Variants in CAAP1 observed in about 807,000 individuals in gnomAD.
The protein encoded by CAAP1 is caspase activity and apoptosis inhibitor 1.
Under a neutral mutation model 34.0 loss-of-function variants are expected in CAAP1, and 20 were observed. That is an observed-to-expected ratio of 0.59 (90% CI 0.41 to 0.86). The LOEUF (loss-of-function observed/expected upper bound fraction) is 0.86, where lower values mean the gene tolerates loss of function less well. Among genes scored for constraint, CAAP1 ranks in the 40% least tolerant of loss-of-function variants. The pLI is 0.00. For missense variants in CAAP1, 538 were observed against 450.5 expected, an observed-to-expected ratio of 1.19 and a Z score of -1.76; for synonymous variants, 213 against 166.7, an observed-to-expected ratio of 1.28 and a Z score of -2.14.
intron 4 of CAAP1, among the ~76,000 whole-genome samples, chr9:26,881,038 A>G (rs888149498): frequency 3.3e-5 from 5 of 152,198 alleles, no homozygotes; most frequent in Admixed American, 3.3e-4. Context: ...AACATTAACT[A>G]AAAATCAAAA....
intron 4 of CAAP1, among the ~76,000 whole-genome samples, chr9:26,867,663 G>A (rs1054754461): frequency 6.6e-6 from 1 of 152,094 alleles, no homozygotes; most frequent in Non-Finnish European, 1.5e-5. Flanking sequence ...ACATAATATA[G>A]TTGTTGCACA....
At chr9:26,869,979 T>C in intron 4 of CAAP1, 1 of 981,896 alleles carries the variant, frequency 1.0e-6, no homozygotes, top group Non-Finnish European at 1.2e-6. Flanking sequence ...GTAAATTGAC[T>C]GATGGAAAAA....
chr9:26,879,867 G>A (rs1399125015), intron 4 of CAAP1, among the ~76,000 whole-genome samples: 1 of 152,178 alleles, frequency 6.6e-6, no homozygotes, highest in Non-Finnish European at 1.5e-5. Context: ...GAGGTTTTGG[G>A]ACTTGGACTG....
At chr9:26,868,035 A>C (rs1309645595) in intron 4 of CAAP1, among the ~76,000 whole-genome samples, 2 of 152,172 alleles carry the variant, frequency 1.3e-5, no homozygotes, top group African/African-American at 2.4e-5. Context: ...AAACTTGTGT[A>C]CTATTTGAAT....
intron 4 of CAAP1, among the ~76,000 whole-genome samples, chr9:26,870,214 T>A (rs904574157): frequency 6.6e-6 from 1 of 151,998 alleles, no homozygotes; most frequent in Non-Finnish European, 1.5e-5. Context: ...AAGGAAAAGT[T>A]CTATAGATTC....
intron 4 of CAAP1, among the ~76,000 whole-genome samples, chr9:26,864,324 A>T (rs1823077446): frequency 6.6e-6 from 1 of 152,124 alleles, no homozygotes; most frequent in Admixed American, 6.5e-5. Context: ...AACCACATAT[A>T]TGAACCCCTA....
chr9:26,842,742 C>G (rs900238872), intron 5 of CAAP1, 95 bp from the exon 6 acceptor site: 4 of 1,006,348 alleles, frequency 4.0e-6, no homozygotes, highest in Non-Finnish European at 5.8e-6. Flanking sequence ...TTGATCCCAC[C>G]TCCCACTATG....
chr9:26,857,489 G>A (rs1023154874), intron 5 of CAAP1, among the ~76,000 whole-genome samples: 37 of 152,104 alleles, frequency 2.4e-4, no homozygotes, highest in Admixed American at 2.2e-3. Context: ...AAAATTAGCC[G>A]GGTGTGGTAG....
rs112975849 is a variant in CAAP1 at position 26,875,639 on chromosome 9, C to T, written c.665+9171G>A. 3.6e-3 allele frequency among the ~76,000 whole-genome samples: 544 copies of T among 151,030 alleles called. 3 individuals are homozygous for T. The highest frequency in any genetic ancestry group is 6.4e-3 in the Non-Finnish European group (434 of 68,008). On this transcript the variant is annotated intron_variant, in intron 4 of 5. Coordinates refer to ENST00000333916, the MANE Select transcript of CAAP1 (RefSeq NM_024828.4). Reference sequence around the variant, plus strand: ...GCCTTTGTCCTTTATGTATTTTCCCCTTCAATCAGAGTCTCATTTTATAAA... The same window carrying T: ...GCCTTTGTCCTTTATGTATTTTCCCTTTCAATCAGAGTCTCATTTTATAAA...
chr9:26,845,593 C>T (rs1048926184), intron 5 of CAAP1, among the ~76,000 whole-genome samples: 4 of 152,140 alleles, frequency 2.6e-5, no homozygotes, highest in African/African-American at 7.2e-5. Flanking sequence ...TCAGGCTGGT[C>T]TGGAACTCCT....
chr9:26,862,924 T>TA (rs1384418509), intron 4 of CAAP1, among the ~76,000 whole-genome samples: 5 of 151,788 alleles, frequency 3.3e-5, no homozygotes, highest in African/African-American at 9.7e-5. Flanking sequence ...AATGTTTCAT[T>TA]AAAAAAAACA....
rs553507893 is a variant in CAAP1, at chr9:26,885,292, G to C, written c.590-407C>G. ...GGGTTTCACTATGTTGGCCAAGCTG[G>C]TCTCGAACTCCTGACCTTGTGATCC... On this transcript the variant is annotated intron_variant, in intron 3 of 5. Coordinates refer to ENST00000333916, the MANE Select transcript of CAAP1 (RefSeq NM_024828.4). 6.7e-4 allele frequency among the ~76,000 whole-genome samples: 101 copies of C among 151,780 alleles called. 1 individual carries two copies. The highest frequency in any genetic ancestry group is 2.3e-3 in the African/African-American group (95 of 41,402).
chr9:26,856,007 C>T (rs926878856), intron 5 of CAAP1, among the ~76,000 whole-genome samples: 3 of 152,034 alleles, frequency 2.0e-5, no homozygotes, highest in African/African-American at 4.8e-5. Context: ...CTTTGTGGTG[C>T]AATCATGGCT....
At chr9:26,849,855 T>C (rs931524530) in intron 5 of CAAP1, among the ~76,000 whole-genome samples, 1 of 152,036 alleles carries the variant, frequency 6.6e-6, no homozygotes, top group Non-Finnish European at 1.5e-5. Flanking sequence ...TTTTTTTTTT[T>C]TGAGATGGAG....
intron 4 of CAAP1, among the ~76,000 whole-genome samples, chr9:26,875,410 C>T (rs1823404632): frequency 6.6e-6 from 1 of 152,032 alleles, no homozygotes. Flanking sequence ...GAGTGAGACC[C>T]TGTCTCAAAA....
chr9:26,885,789 G>C (rs978984819), intron 3 of CAAP1, among the ~76,000 whole-genome samples: 4 of 152,048 alleles, frequency 2.6e-5, no homozygotes, highest in African/African-American at 9.7e-5. Flanking sequence ...AAATTAAAAA[G>C]ATTTTAAGGG....
chr9:26,866,996 G>A (rs1823155546), intron 4 of CAAP1, among the ~76,000 whole-genome samples: 1 of 152,096 alleles, frequency 6.6e-6, no homozygotes, highest in African/African-American at 2.4e-5. Flanking sequence ...GGGCAAGCAA[G>A]CATTACGGCC....
chr9:26,891,330 T>C (rs998244321), intron 1 of CAAP1, among the ~76,000 whole-genome samples: 1 of 152,168 alleles, frequency 6.6e-6, no homozygotes, highest in South Asian at 2.1e-4. Context: ...GTCTGGCAAT[T>C]TTTTTAAAAA....
chr9:26,860,988 C>A, intron 5 of CAAP1, 78 bp downstream of exon 5: 1 of 1,006,446 alleles, frequency 9.9e-7, no homozygotes, highest in Non-Finnish European at 1.6e-6. Context: ...GTGAGTTAGA[C>A]ACTGAAAATT....
Sources: gnomAD v4.1 joint callset for allele counts (sites outside exome capture counted in the v4.1 genomes callset) on GRCh38, gnomAD v4.1.1 for gene constraint, MANE v1.5 for transcripts, NCBI Gene and HGNC (gene_info 2026-07-23, HGNC 2026-07-21) for gene names.